RCAN2: variants seen among roughly 807,000 people sequenced by gnomAD.
RCAN2 encodes the protein calcipressin-2.
A neutral mutation model predicts 23.6 loss-of-function variants in RCAN2; 9 were observed. That is an observed-to-expected ratio of 0.38 (90% CI 0.23 to 0.67). The LOEUF is 0.67. RCAN2 is among the 30% of genes least tolerant of loss of function. The probability of loss-of-function intolerance (pLI) is 0.51; values close to 1 mark genes in which losing one functional copy is unlikely to be tolerated. For missense variants in RCAN2, 273 were observed against 302.3 expected, an observed-to-expected ratio of 0.90 and a Z score of 0.72; for synonymous variants, 109 against 115.7, an observed-to-expected ratio of 0.94 and a Z score of 0.37.
intron 4 of RCAN2, among the ~76,000 whole-genome samples, chr6:46,230,241 A>C (rs1214417922): frequency 1.3e-5 from 2 of 152,162 alleles, no homozygotes; most frequent in Non-Finnish European, 2.9e-5. Context: ...CCACTTGAGG[A>C]GGCAGTCTCC....
At chr6:46,305,694 G>A (rs998704964) in intron 2 of RCAN2, among the ~76,000 whole-genome samples, 7 of 151,846 alleles carry the variant, frequency 4.6e-5, no homozygotes, top group East Asian at 1.9e-4. Flanking sequence ...TTCAACAATC[G>A]ACCTGAGATT....
intron 2 of RCAN2, among the ~76,000 whole-genome samples, chr6:46,420,544 C>CTT (rs965214233): frequency 9.4e-5 from 13 of 138,534 alleles, no homozygotes; most frequent in Non-Finnish European, 1.4e-4. Flanking sequence ...TTCTGATTAA[C>CTT]TTTTTTTTTT....
intron 1 of RCAN2, among the ~76,000 whole-genome samples, chr6:46,463,469 T>C (rs1768281322): frequency 6.6e-6 from 1 of 152,208 alleles, no homozygotes; most frequent in Non-Finnish European, 1.5e-5. Context: ...GAAAGTTTCA[T>C]TGAGCAGGTG....
chr6:46,266,101 G>C (rs1250049193), intron 2 of RCAN2, among the ~76,000 whole-genome samples: 1 of 152,062 alleles, frequency 6.6e-6, no homozygotes, highest in Non-Finnish European at 1.5e-5. Flanking sequence ...TACTAATTTA[G>C]AATCTTTATC....
intron 2 of RCAN2, among the ~76,000 whole-genome samples, chr6:46,258,060 G>T (rs1003181227): frequency 6.6e-6 from 1 of 152,162 alleles, no homozygotes; most frequent in Non-Finnish European, 1.5e-5. Context: ...ATCCCTTTGG[G>T]CATAAATTGC....
At chr6:46,309,165 A>G (rs1215325613) in intron 2 of RCAN2, among the ~76,000 whole-genome samples, 4 of 152,194 alleles carry the variant, frequency 2.6e-5, no homozygotes, top group African/African-American at 7.2e-5. Context: ...AAGATTATCT[A>G]AAATGTTTTC....
At chr6:46,364,332 C>G (rs1480058664) in intron 2 of RCAN2, among the ~76,000 whole-genome samples, 1 of 152,082 alleles carries the variant, frequency 6.6e-6, no homozygotes, top group South Asian at 2.1e-4. Context: ...TAGATAAAAA[C>G]CCAGACTTGG....
At position 46,480,913 on chromosome 6, in the gene RCAN2, C is replaced by T. The variant is rs150317365; in HGVS notation, c.-3+10260G>A. ...CTGGGATTACAGGCGTGAGCCACTG[C>T]GCCCGGCCACTTGTTTTTATAGTTA... On this transcript the variant is annotated intron_variant, in intron 1 of 4. Transcript: ENST00000371374. 7.3e-3 allele frequency among the ~76,000 whole-genome samples: 1,109 copies of T among 152,318 alleles called. 12 individuals are homozygous for T. Among genetic ancestry groups the T allele is most frequent in the African/African-American group, 0.024 (993 of 41,566 alleles).
chr6:46,460,316 T>C (rs962749861), intron 1 of RCAN2, among the ~76,000 whole-genome samples: 2 of 152,204 alleles, frequency 1.3e-5, no homozygotes, highest in Non-Finnish European at 2.9e-5. Flanking sequence ...CCCATTTTGG[T>C]TTCACAAAGT....
chr6:46,469,089 C>T (rs924355190), intron 1 of RCAN2, among the ~76,000 whole-genome samples: 1 of 152,146 alleles, frequency 6.6e-6, no homozygotes, highest in African/African-American at 2.4e-5. Context: ...CCTACAGAAG[C>T]CAGGGCTGAT....
Position 46,247,971 on chromosome 6 carries a change from T to C in RCAN2, c.399+752A>G, listed in dbSNP as rs752314486. Among the ~76,000 whole-genome samples the C allele has an allele frequency of 1.4e-4, 21 of 152,200 alleles. 1 individual carries two copies. The highest frequency in any genetic ancestry group is 2.8e-4 in the Non-Finnish European group (19 of 68,030). ...CACATCACACACATTAGAATAGCAA[T>C]GATGGAATTTGAACATGGATGCAGG... is the stretch of plus-strand genomic sequence containing the variant. On this transcript the variant is annotated intron_variant, in intron 3 of 4. Coordinates refer to ENST00000371374, the MANE Select transcript of RCAN2 (RefSeq NM_001251974.2).
At chr6:46,262,608 A>C (rs959208783) in intron 2 of RCAN2, among the ~76,000 whole-genome samples, 2 of 151,814 alleles carry the variant, frequency 1.3e-5, no homozygotes, top group African/African-American at 4.8e-5. Flanking sequence ...AAATAAATAA[A>C]TAAATAAAGC....
intron 2 of RCAN2, among the ~76,000 whole-genome samples, chr6:46,266,089 C>T (rs570699714): frequency 2.0e-5 from 3 of 152,238 alleles, no homozygotes; most frequent in South Asian, 2.1e-4. Context: ...AGTCTCTAGA[C>T]CTACTAATTT....
At chr6:46,374,775 G>A (rs1370392291) in intron 2 of RCAN2, among the ~76,000 whole-genome samples, 1 of 152,050 alleles carries the variant, frequency 6.6e-6, no homozygotes, top group Non-Finnish European at 1.5e-5. Context: ...CATACAATTT[G>A]GAAGCCATAG....
rs114464711 is a variant in RCAN2 at position 46,390,354 on chromosome 6, T to C, written c.225+66398A>G. ...TCATGGATGAATGGAATGCCAAATATACCATGTGAGCAGGGTATTGTTCTC... is the reference window on the plus strand; with the variant it reads ...TCATGGATGAATGGAATGCCAAATACACCATGTGAGCAGGGTATTGTTCTC... On this transcript the variant is annotated intron_variant, in intron 2 of 4. Transcript: ENST00000371374. Among the ~76,000 whole-genome samples the C allele has an allele frequency of 9.6e-3, 1,463 of 152,334 alleles. 20 individuals are homozygous for C. Among genetic ancestry groups the C allele is most frequent in the African/African-American group, 0.033 (1,384 of 41,580 alleles).
At chr6:46,439,637 T>A (rs939276356) in intron 2 of RCAN2, among the ~76,000 whole-genome samples, 3 of 152,198 alleles carry the variant, frequency 2.0e-5, no homozygotes, top group African/African-American at 7.2e-5. Context: ...AACTCAGAGA[T>A]GTTTCTGGGG....
chr6:46,306,938 G>A (rs1397121509), intron 2 of RCAN2, among the ~76,000 whole-genome samples: 4 of 151,996 alleles, frequency 2.6e-5, no homozygotes, highest in African/African-American at 7.2e-5. Flanking sequence ...TCCAAGAAAA[G>A]CATTTTTGAC....
chr6:46,291,284 T>TG (rs1047776653), intron 2 of RCAN2, among the ~76,000 whole-genome samples: 7 of 151,576 alleles, frequency 4.6e-5, no homozygotes, highest in African/African-American at 1.7e-4. Context: ...GCCAGTGTTT[T>TG]TTTTTTTTTT....
intron 2 of RCAN2, among the ~76,000 whole-genome samples, chr6:46,345,975 A>G (rs1381267535): frequency 6.6e-6 from 1 of 152,170 alleles, no homozygotes; most frequent in Non-Finnish European, 1.5e-5. Flanking sequence ...AAATATAAAT[A>G]TAAACAAAAG....
Sources: allele counts gnomAD v4.1 joint callset (sites outside exome capture counted in the v4.1 genomes callset), GRCh38; gene constraint gnomAD v4.1.1; transcripts MANE v1.5; gene names NCBI Gene and HGNC (gene_info 2026-07-23, HGNC 2026-07-21).